The following METTL24 variants were observed in gnomAD, a reference collection of about 807,000 sequenced individuals.
The protein encoded by METTL24 is probable methyltransferase-like protein 24.
A neutral mutation model predicts 32.7 loss-of-function variants in METTL24; 29 were observed. That is an observed-to-expected ratio of 0.89 (90% confidence interval 0.66 to 1.21). METTL24 has a LOEUF of 1.21. Ranked by LOEUF, METTL24 falls within the 50% of genes most tolerant of loss-of-function variation. The pLI is 0.00. For missense variants in METTL24, 439 were observed against 468.1 expected (o/e 0.94, Z 0.57); for synonymous variants, 163 against 179.5 (o/e 0.91, Z 0.73).
chr6:110,306,405 TGATCATGTTTA>T (rs1245528500), intron 3 of METTL24, among the ~76,000 whole-genome samples: 1 of 151,778 alleles, frequency 6.6e-6, no homozygotes, highest in Non-Finnish European at 1.5e-5. Flanking sequence ...TTTCCAGAGA[TGATCATGTTTA>T]GCAGTTTTTT....
intron 4 of METTL24, among the ~76,000 whole-genome samples, chr6:110,294,639 A>G (rs1341407495): frequency 2.6e-5 from 4 of 152,186 alleles, no homozygotes; most frequent in Non-Finnish European, 5.9e-5. Context: ...CCAGGCATAT[A>G]TTGAATGCAC....
intron 4 of METTL24, among the ~76,000 whole-genome samples, chr6:110,288,728 G>T (rs1034481446): frequency 1.3e-5 from 2 of 152,224 alleles, no homozygotes; most frequent in African/African-American, 4.8e-5. Context: ...ATGAACACAG[G>T]GCGGTGAGCA....
At chr6:110,336,764 A>T (rs1194356195) in intron 1 of METTL24, among the ~76,000 whole-genome samples, 1 of 149,114 alleles carries the variant, frequency 6.7e-6, no homozygotes, top group East Asian at 2.0e-4. Context: ...AAACAAAAAG[A>T]TGGTTATCAT....
chr6:110,265,202 T>C (rs1770834425), intron 4 of METTL24, among the ~76,000 whole-genome samples: 1 of 145,654 alleles, frequency 6.9e-6, no homozygotes, highest in South Asian at 2.3e-4. Context: ...AGAAAGAAAG[T>C]TAATATCCCT....
chr6:110,267,333 A>G (rs191596955), intron 4 of METTL24, among the ~76,000 whole-genome samples: 69 of 152,372 alleles, frequency 4.5e-4, no homozygotes, highest in African/African-American at 1.4e-3. Flanking sequence ...TTCCTGTTAA[A>G]TTTATGTAGT....
At chr6:110,341,840 CT>C (rs1223429863) in intron 1 of METTL24, among the ~76,000 whole-genome samples, 1 of 152,220 alleles carries the variant, frequency 6.6e-6, no homozygotes. Flanking sequence ...ATGAGAATCA[CT>C]TGGGATAACA....
chr6:110,347,442 C>T (rs923367551), intron 1 of METTL24, among the ~76,000 whole-genome samples: 1 of 152,204 alleles, frequency 6.6e-6, no homozygotes, highest in African/African-American at 2.4e-5. Context: ...TGCATAAAAC[C>T]ATGTGCAACA....
intron 4 of METTL24, among the ~76,000 whole-genome samples, chr6:110,295,403 T>A (rs1203967765): frequency 6.6e-6 from 1 of 152,174 alleles, no homozygotes; most frequent in Non-Finnish European, 1.5e-5. Flanking sequence ...AAGTGGACAC[T>A]GAGCCTTGGC....
intron 1 of METTL24, among the ~76,000 whole-genome samples, chr6:110,353,394 A>C (rs1454284751): frequency 1.4e-5 from 2 of 146,458 alleles, no homozygotes; most frequent in African/African-American, 4.9e-5. Context: ...AAGGACTCTT[A>C]AGGCAGTTGG....
At chr6:110,334,071 C>T (rs550741463) in intron 1 of METTL24, among the ~76,000 whole-genome samples, 269 of 148,182 alleles carry the variant, frequency 1.8e-3, no homozygotes, top group Non-Finnish European at 2.9e-3. Flanking sequence ...GGAATGGAGA[C>T]GAGAACAGGA....
intron 4 of METTL24, among the ~76,000 whole-genome samples, chr6:110,267,862 G>C (rs1159862580): frequency 6.6e-6 from 1 of 152,136 alleles, no homozygotes; most frequent in Non-Finnish European, 1.5e-5. Context: ...GCAAGAGAGG[G>C]AGCAAGAGAG....
intron 1 of METTL24, among the ~76,000 whole-genome samples, chr6:110,345,335 A>C (rs1318101580): frequency 6.6e-6 from 1 of 152,232 alleles, no homozygotes; most frequent in Non-Finnish European, 1.5e-5. Flanking sequence ...GTGGGAGTGT[A>C]AATGAGTTCA....
chr6:110,265,909 CT>C (rs1311878063), intron 4 of METTL24, among the ~76,000 whole-genome samples: 3 of 151,692 alleles, frequency 2.0e-5, no homozygotes, highest in African/African-American at 7.3e-5. Context: ...CCTCTTTCTT[CT>C]TCTTCTTCTT....
At chr6:110,323,609 C>A (rs1582425918) in intron 1 of METTL24, among the ~76,000 whole-genome samples, 2 of 152,112 alleles carry the variant, frequency 1.3e-5, no homozygotes, top group East Asian at 3.9e-4. Context: ...AAAATGGTAG[C>A]CCCTCCAGTA....
intron 1 of METTL24, among the ~76,000 whole-genome samples, chr6:110,340,512 A>T (rs1396304873): frequency 1.3e-5 from 2 of 152,036 alleles, no homozygotes; most frequent in African/African-American, 2.4e-5. Flanking sequence ...GCTAGGGGAG[A>T]CCTAGGTATC....
chr6:110,249,148 G>C (rs1186746059), intron 4 of METTL24, among the ~76,000 whole-genome samples: 1 of 151,940 alleles, frequency 6.6e-6, no homozygotes, highest in Non-Finnish European at 1.5e-5. Flanking sequence ...AACTCTATTA[G>C]TGATGTATAA....
At position 110,353,653 on chromosome 6, in the gene METTL24, G is replaced by T. The variant is rs557547210; in HGVS notation, c.318+4302C>A. 3.4e-5 allele frequency among the ~76,000 whole-genome samples: 5 copies of T among 149,240 alleles called. 1 individual carries two copies. In the South Asian group the frequency reaches 1.1e-3, roughly 32 times the overall value. The stretch of plus-strand genomic sequence containing the variant: ...GGTTCTGGAGCTCTGTGACTCAGAA[G>T]TCACTTTTCTATCCAACATATTAAA... On this transcript the variant is annotated intron_variant, in intron 1 of 4. Transcript: ENST00000338882.
intron 1 of METTL24, among the ~76,000 whole-genome samples, chr6:110,333,682 C>T (rs113828337): frequency 0.023 from 3,473 of 152,150 alleles, 88 homozygotes; most frequent in African/African-American, 0.067. Flanking sequence ...CCTCAAATGA[C>T]CTGCCCACCT....
chr6:110,358,025 G>T lies in METTL24; in HGVS notation c.248C>A (p.Pro83Gln), dbSNP rs959813484. The T allele has an allele frequency of 7.0e-6, 8 of 1,139,494 alleles. No individual in the cohort carries two copies. The highest frequency in any genetic ancestry group is 3.3e-5 in the African/African-American group (2 of 61,080). The allele number at this position is 1,139,494 out of a possible 1,614,324, so 70.6% of individuals were successfully genotyped here. A position where few individuals can be genotyped will look rare whatever the true frequency, so the allele number is the denominator to read the frequency against. The part of the protein sequence containing the change: ...VTYVRSGRRA[P>Q]PGGGGSGTPE... The stretch of plus-strand genomic sequence containing the variant: ...CGTCCCGCTCCCGCCGCCCCCCGGC[G>T]GCGCCCGGCGACCGCTGCGCACGTA... Residue 83 changes from proline (P) to glutamine (Q), a missense_variant, in exon 1 of 5, where the codon CCG (proline) becomes CAG (glutamine). By Grantham distance (76) the Pro-to-Gln change is moderately conservative. Coordinates refer to ENST00000338882, the MANE Select transcript of METTL24 (RefSeq NM_001123364.3).
Sources: allele counts gnomAD v4.1 joint callset (sites outside exome capture counted in the v4.1 genomes callset), GRCh38; gene constraint gnomAD v4.1.1; transcripts MANE v1.5; gene names NCBI Gene and HGNC (gene_info 2026-07-23, HGNC 2026-07-21).